Variants in SUSD4 observed in about 807,000 individuals in gnomAD.
The protein encoded by SUSD4 is sushi domain-containing protein 4.
A neutral mutation model predicts 50.5 loss-of-function variants in SUSD4; 41 were observed. That is an observed-to-expected ratio of 0.81 (90% CI 0.63 to 1.05). SUSD4 has a LOEUF of 1.05. Ranked by LOEUF, SUSD4 falls within the 50% of genes least tolerant of loss-of-function variation. The probability of loss-of-function intolerance (pLI) is 0.00; values close to 1 mark genes in which losing one functional copy is unlikely to be tolerated. For synonymous variants in SUSD4, 257 were observed against 257.3 expected, an observed-to-expected ratio of 1.00 and a Z score of 0.01; for missense variants, 580 against 634.7, an observed-to-expected ratio of 0.91 and a Z score of 0.93.
chr1:223,347,854 G>A (rs557692789), intron 2 of SUSD4, among the ~76,000 whole-genome samples: 127 of 140,126 alleles, frequency 9.1e-4, no homozygotes, highest in Middle Eastern at 7.8e-3. Flanking sequence ...CCAGTTGTCT[G>A]GAGGAAAGCA....
chr1:223,331,700 G>T (rs1199812285), intron 2 of SUSD4, among the ~76,000 whole-genome samples: 4 of 152,136 alleles, frequency 2.6e-5, no homozygotes, highest in Non-Finnish European at 4.4e-5. Context: ...CAACTCATGG[G>T]ACCTTTTGTC....
At chr1:223,234,078 T>A (rs1318920282) in intron 5 of SUSD4, among the ~76,000 whole-genome samples, 1 of 152,234 alleles carries the variant, frequency 6.6e-6, no homozygotes, top group Admixed American at 6.5e-5. Flanking sequence ...GTCCAGTTTT[T>A]ACCATACTTA....
At chr1:223,242,484 C>T (rs1571865243) in intron 5 of SUSD4, among the ~76,000 whole-genome samples, 1 of 152,174 alleles carries the variant, frequency 6.6e-6, no homozygotes, top group Admixed American at 6.5e-5. Flanking sequence ...CACTGCCCCA[C>T]CCTTGCCATG....
At chr1:223,296,576 G>A (rs1442546568) in intron 2 of SUSD4, among the ~76,000 whole-genome samples, 1 of 152,176 alleles carries the variant, frequency 6.6e-6, no homozygotes, top group African/African-American at 2.4e-5. Flanking sequence ...GAAGGGAGGA[G>A]CAGCTGAGGA....
intron 2 of SUSD4, among the ~76,000 whole-genome samples, chr1:223,312,212 A>G (rs1665918123): frequency 6.6e-6 from 1 of 152,230 alleles, no homozygotes; most frequent in Non-Finnish European, 1.5e-5. Flanking sequence ...CATGCAAATG[A>G]GAGTGTCATC....
chr1:223,329,925 GATGA>G (rs1471599094), intron 2 of SUSD4, among the ~76,000 whole-genome samples: 1 of 152,178 alleles, frequency 6.6e-6, no homozygotes, highest in Non-Finnish European at 1.5e-5. Flanking sequence ...CAGATGGACA[GATGA>G]ATGAATGGAT....
chr1:223,339,853 C>T (rs1446279605), intron 2 of SUSD4, among the ~76,000 whole-genome samples: 1 of 152,200 alleles, frequency 6.6e-6, no homozygotes, highest in African/African-American at 2.4e-5. Flanking sequence ...GCCTGAGGCC[C>T]ACCGACCACT....
At chr1:223,271,070 A>G (rs1039139755) in intron 3 of SUSD4, among the ~76,000 whole-genome samples, 1 of 151,876 alleles carries the variant, frequency 6.6e-6, no homozygotes, top group Non-Finnish European at 1.5e-5. Flanking sequence ...AGCAAATAAA[A>G]ACACATTTAT....
rs542644053 is a variant in SUSD4, at chr1:223,230,191, C to T, written c.725-803G>A. Among the ~76,000 whole-genome samples, 3 of 152,276 alleles carry T rather than the reference C, an allele frequency of 2.0e-5. No individual in the cohort carries two copies. The East Asian group carries it at 5.8e-4, about 29-fold the overall frequency. On this transcript the variant is annotated intron_variant, in intron 5 of 8. Coordinates refer to ENST00000366878, the MANE Select transcript of SUSD4 (RefSeq NM_017982.4). ...TGCATTCTAGGTTGCGAGGTAAGGA[C>T]GGTTCCATCTCTGTCACCACAAAGA...
At chr1:223,241,663 T>C (rs550330309) in intron 5 of SUSD4, among the ~76,000 whole-genome samples, 12 of 152,086 alleles carry the variant, frequency 7.9e-5, no homozygotes, top group Non-Finnish European at 1.6e-4. Context: ...AAACTGAAAG[T>C]CCCCCCAAAG....
chr1:223,365,226 G>A (rs765985587), upstream of SUSD4, among the ~76,000 whole-genome samples: 100 of 143,940 alleles, frequency 6.9e-4, no homozygotes, highest in Admixed American at 1.5e-3. Flanking sequence ...TTCTGGTGTC[G>A]GAGCTCAGCC....
Position 223,332,068 on chromosome 1 carries a change from G to A in SUSD4, c.148+31210C>T, listed in dbSNP as rs1454130353. On this transcript the variant is annotated intron_variant, in intron 2 of 8. Transcript: ENST00000366878. This position sits in a 1 kb window ranked among gnomAD's most constrained non-coding sequence, Gnocchi z 4.0. ...ACCCGTGCAGAGAAAGCTGAGTGAT[G>A]GGGCACAGTGTGAGCCTGGTTACAA... 6.6e-6 allele frequency among the ~76,000 whole-genome samples: 1 copy of A among 152,154 alleles called. No individual in the cohort carries two copies.
intron 3 of SUSD4, among the ~76,000 whole-genome samples, chr1:223,280,198 C>T (rs1360238142): frequency 2.6e-5 from 4 of 151,992 alleles, no homozygotes; most frequent in South Asian, 2.1e-4. Context: ...AAATAACCAG[C>T]TAACATCATA....
chr1:223,258,933 A>G (rs1661897125), intron 5 of SUSD4, among the ~76,000 whole-genome samples: 1 of 152,170 alleles, frequency 6.6e-6, no homozygotes, highest in Non-Finnish European at 1.5e-5. Flanking sequence ...GAAACCATGG[A>G]GACCTTGCCT....
intron 6 of SUSD4, among the ~76,000 whole-genome samples, chr1:223,228,243 G>A (rs1659660394): frequency 6.6e-6 from 1 of 152,302 alleles, no homozygotes; most frequent in East Asian, 1.9e-4. Flanking sequence ...CCAGGTCAGG[G>A]GCAGCAAGAG....
At chr1:223,237,757 T>C (rs1206677563) in intron 5 of SUSD4, among the ~76,000 whole-genome samples, 2 of 152,028 alleles carry the variant, frequency 1.3e-5, no homozygotes, top group African/African-American at 4.8e-5. Context: ...TAGTATTCTG[T>C]TGAGGATTTT....
chr1:223,279,141 T>A (rs1337932035), intron 3 of SUSD4, among the ~76,000 whole-genome samples: 1 of 152,122 alleles, frequency 6.6e-6, no homozygotes, highest in Admixed American at 6.5e-5. Context: ...GCAGAAAAGC[T>A]GAAAATTCTA....
chr1:223,334,863 TC>T (rs1163320969), intron 2 of SUSD4, among the ~76,000 whole-genome samples: 2 of 151,890 alleles, frequency 1.3e-5, no homozygotes, highest in Non-Finnish European at 2.9e-5. Context: ...TTTCCCCGAG[TC>T]CCCAAAGTCC....
In SUSD4 at chr1:223,229,367, A is replaced by T; in HGVS notation, c.746T>A (p.Val249Glu). The T allele has an allele frequency of 6.2e-7, 1 of 1,600,170 alleles. No individual in the cohort carries two copies. The highest frequency in any genetic ancestry group is 1.1e-5 in the South Asian group (1 of 90,656). ...GTGGCAGACGAAATCTCCGTGACTCACCATTGGAGGTAGTGGACAGACTTG... is the reference window on the plus strand; with the variant it reads ...GTGGCAGACGAAATCTCCGTGACTCTCCATTGGAGGTAGTGGACAGACTTG... ...ALEVCPLPPMVSHGDFVCHPR... is the reference protein window; with the variant it reads ...ALEVCPLPPMESHGDFVCHPR... Residue 249 changes from valine (V) to glutamate (E), a missense_variant, in exon 6 of 9, where the codon GTG becomes GAG. Coordinates refer to ENST00000366878, the MANE Select transcript of SUSD4 (RefSeq NM_017982.4). This position sits in a 1 kb window ranked among gnomAD's most constrained non-coding sequence, Gnocchi z 4.7.
Sources: allele counts gnomAD v4.1 joint callset (sites outside exome capture counted in the v4.1 genomes callset), GRCh38; gene constraint gnomAD v4.1.1; non-coding constraint Gnocchi (gnomAD v3.1); transcripts MANE v1.5; gene names NCBI Gene and HGNC (gene_info 2026-07-23, HGNC 2026-07-21).